The following LHFPL3 variants were observed in gnomAD, a reference collection of about 807,000 sequenced individuals.
LHFPL3 encodes LHFPL tetraspan subfamily member 3, also known as LHFPL tetraspan subfamily member 3 protein.
A neutral mutation model predicts 19.3 loss-of-function variants in LHFPL3; 5 were observed. The observed-to-expected ratio is 0.26, with a 90% CI of 0.14 to 0.54. The LOEUF is 0.54. Ranked by LOEUF, LHFPL3 falls within the 20% of genes least tolerant of loss-of-function variation. LHFPL3 has a pLI of 0.94. For missense variants in LHFPL3, 249 were observed against 307.4 expected (o/e 0.81, Z 1.42); for synonymous variants, 133 against 126.2 (o/e 1.05, Z -0.36).
chr7:104,591,052 C>T (rs1052885535), intron 1 of LHFPL3, among the ~76,000 whole-genome samples: 1 of 152,054 alleles, frequency 6.6e-6, no homozygotes, highest in African/African-American at 2.4e-5. Flanking sequence ...ACTGATGGGT[C>T]CTGACTCTTT....
intron 1 of LHFPL3, among the ~76,000 whole-genome samples, chr7:104,621,994 T>A (rs1346687749): frequency 6.6e-6 from 1 of 152,208 alleles, no homozygotes; most frequent in East Asian, 1.9e-4. Context: ...GTGTTTATAA[T>A]TAATTAAATA....
At chr7:104,623,296 T>C (rs1353631792) in intron 1 of LHFPL3, among the ~76,000 whole-genome samples, 2 of 150,166 alleles carry the variant, frequency 1.3e-5, no homozygotes, top group Non-Finnish European at 3.0e-5. Flanking sequence ...AAAAAAAAGG[T>C]AGCCATATTT....
intron 1 of LHFPL3, among the ~76,000 whole-genome samples, chr7:104,401,029 G>A (rs1791303141): frequency 6.6e-6 from 1 of 152,166 alleles, no homozygotes; most frequent in South Asian, 2.1e-4. Flanking sequence ...TTTCTTGTTT[G>A]TCAGCTATAA....
chr7:104,513,768 T>C (rs1380223318), intron 1 of LHFPL3, among the ~76,000 whole-genome samples: 2 of 152,198 alleles, frequency 1.3e-5, no homozygotes, highest in Non-Finnish European at 2.9e-5. Flanking sequence ...TCCCCAAGAA[T>C]TCTGATTAAA....
At chr7:104,846,612 T>A (rs779594006) in intron 2 of LHFPL3, among the ~76,000 whole-genome samples, 4 of 151,460 alleles carry the variant, frequency 2.6e-5, no homozygotes, top group African/African-American at 9.8e-5. Context: ...TGGCAGAGCC[T>A]GGATTAAAAC....
At chr7:104,674,649 G>A (rs1294895673) in intron 1 of LHFPL3, among the ~76,000 whole-genome samples, 1 of 152,042 alleles carries the variant, frequency 6.6e-6, no homozygotes, top group Admixed American at 6.5e-5. Context: ...TTACAGGCGT[G>A]AGCCACTGCA....
chr7:104,334,235 G>GA (rs1356291710), intron 1 of LHFPL3, among the ~76,000 whole-genome samples: 5 of 152,262 alleles, frequency 3.3e-5, no homozygotes, highest in Admixed American at 2.0e-4. Flanking sequence ...AGAATGAAAG[G>GA]AAAAAGGACT....
At chr7:104,459,944 A>C (rs1403337091) in intron 1 of LHFPL3, among the ~76,000 whole-genome samples, 1 of 152,164 alleles carries the variant, frequency 6.6e-6, no homozygotes, top group Non-Finnish European at 1.5e-5. Context: ...TGCACAGATT[A>C]CTTCATCACC....
chr7:104,847,341 A>C (rs571717525), intron 2 of LHFPL3, among the ~76,000 whole-genome samples: 3 of 152,372 alleles, frequency 2.0e-5, no homozygotes, highest in African/African-American at 7.2e-5. Context: ...AGAATAATTC[A>C]AAAGCCAATA....
intron 1 of LHFPL3, among the ~76,000 whole-genome samples, chr7:104,622,089 C>G (rs753751732): frequency 1.3e-5 from 2 of 152,070 alleles, no homozygotes; most frequent in Admixed American, 6.6e-5. Flanking sequence ...GCAACAATAT[C>G]CCCCCATCCC....
intron 1 of LHFPL3, among the ~76,000 whole-genome samples, chr7:104,580,474 AT>A (rs1472518732): frequency 6.6e-6 from 1 of 152,060 alleles, no homozygotes; most frequent in African/African-American, 2.4e-5. Flanking sequence ...AAGCCATCTT[AT>A]TTTTTATATA....
At chr7:104,468,009 T>C (rs1792826578) in intron 1 of LHFPL3, among the ~76,000 whole-genome samples, 1 of 152,232 alleles carries the variant, frequency 6.6e-6, no homozygotes, top group Non-Finnish European at 1.5e-5. Flanking sequence ...ATCTGTCTGT[T>C]CAGTGTACCC....
chr7:104,540,484 T>C (rs1175789610), intron 1 of LHFPL3, among the ~76,000 whole-genome samples: 2 of 152,182 alleles, frequency 1.3e-5, no homozygotes, highest in Non-Finnish European at 2.9e-5. Flanking sequence ...CAAAGAATTA[T>C]CTGGCCCCAA....
At chr7:104,528,070 A>G (rs970994341) in intron 1 of LHFPL3, among the ~76,000 whole-genome samples, 1 of 152,314 alleles carries the variant, frequency 6.6e-6, no homozygotes, top group South Asian at 2.1e-4. Context: ...TGCGAGATTC[A>G]TGTGGAAGGC....
chr7:104,631,997 G>T (rs531910656), intron 1 of LHFPL3, among the ~76,000 whole-genome samples: 20 of 152,298 alleles, frequency 1.3e-4, no homozygotes, highest in African/African-American at 3.6e-4. Flanking sequence ...GACTGCTTTA[G>T]GAGGCAGTGA....
At chr7:104,904,280 A>G (rs1342719359) in intron 2 of LHFPL3, among the ~76,000 whole-genome samples, 4 of 152,208 alleles carry the variant, frequency 2.6e-5, no homozygotes, top group African/African-American at 9.7e-5. Flanking sequence ...ACCAAAAACA[A>G]CAACAGAATG....
intron 2 of LHFPL3, among the ~76,000 whole-genome samples, chr7:104,768,157 A>G (rs952226919): frequency 2.2e-5 from 3 of 136,628 alleles, no homozygotes; most frequent in Non-Finnish European, 4.7e-5. Flanking sequence ...AAAAAAAAAA[A>G]GCAAGAACAT....
At chr7:104,740,188 A>G (rs1328359566) in intron 2 of LHFPL3, among the ~76,000 whole-genome samples, 1 of 152,178 alleles carries the variant, frequency 6.6e-6, no homozygotes, top group Non-Finnish European at 1.5e-5. Context: ...AGGCCTCCCC[A>G]GCAATGTGGA....
intron 2 of LHFPL3, among the ~76,000 whole-genome samples, chr7:104,812,965 T>C (rs754485209): frequency 2.0e-5 from 3 of 151,194 alleles, no homozygotes; most frequent in Non-Finnish European, 4.4e-5. Context: ...TACAAAAAAA[T>C]AGCTGGATGT....
Sources: gnomAD v4.1 joint callset for allele counts (sites outside exome capture counted in the v4.1 genomes callset) on GRCh38, gnomAD v4.1.1 for gene constraint, MANE v1.5 for transcripts, NCBI Gene and HGNC (gene_info 2026-07-23, HGNC 2026-07-21) for gene names.